Variants in THEMIS observed in about 807,000 individuals in gnomAD.
THEMIS encodes thymocyte selection associated, also known as protein THEMIS.
THEMIS carries 37 observed loss-of-function variants against 52.6 expected under a neutral mutation model. That is an observed-to-expected ratio of 0.70 (90% CI 0.54 to 0.93). The LOEUF (loss-of-function observed/expected upper bound fraction) is 0.93. THEMIS is among the 40% of genes least tolerant of loss of function. The probability of loss-of-function intolerance (pLI) is 0.00; values close to 1 mark genes in which losing one functional copy is unlikely to be tolerated. For synonymous variants in THEMIS, 292 were observed against 272.7 expected, an observed-to-expected ratio of 1.07 and a Z score of -0.70; for missense variants, 808 against 763.1, an observed-to-expected ratio of 1.06 and a Z score of -0.69.
chr6:127,829,332 C>T (rs777462455), intron 3 of THEMIS, 144 bp downstream of exon 3: 45 of 649,596 alleles, frequency 6.9e-5, no homozygotes, highest in South Asian at 2.7e-4. Context: ...ATATGGTTTG[C>T]TTATTGATTG....
chr6:127,834,932 T>C (rs183979490), intron 2 of THEMIS, among the ~76,000 whole-genome samples: 4 of 152,320 alleles, frequency 2.6e-5, no homozygotes, highest in Non-Finnish European at 5.9e-5. Context: ...ACGTCATACA[T>C]ACACTTGTTC....
intron 4 of THEMIS, among the ~76,000 whole-genome samples, chr6:127,790,916 A>C (rs1228248362): frequency 6.6e-6 from 1 of 152,190 alleles, no homozygotes; most frequent in Non-Finnish European, 1.5e-5. Context: ...GCACCAGGGA[A>C]TGTGGTGGCA....
At chr6:127,828,898 ACT>A (rs1040798355) in intron 3 of THEMIS, among the ~76,000 whole-genome samples, 3 of 152,052 alleles carry the variant, frequency 2.0e-5, no homozygotes, top group Non-Finnish European at 2.9e-5. Flanking sequence ...ACAGAGCAAG[ACT>A]CTGTCTCAAA....
chr6:127,781,506 T>C (rs546640533), intron 4 of THEMIS, among the ~76,000 whole-genome samples: 1 of 152,294 alleles, frequency 6.6e-6, no homozygotes, highest in South Asian at 2.1e-4. Flanking sequence ...TTTGTGCTGA[T>C]TTCTCCCCTT....
chr6:127,722,272 G>C (rs1774387961), intron 4 of THEMIS, among the ~76,000 whole-genome samples: 1 of 151,920 alleles, frequency 6.6e-6, no homozygotes, highest in South Asian at 2.1e-4. Context: ...AACGTAAAGG[G>C]AGGTAGGTGT....
chr6:127,719,658 G>T, intron 5 of THEMIS, 30 bp downstream of exon 5: 1 of 1,571,136 alleles, frequency 6.4e-7, no homozygotes, highest in African/African-American at 1.4e-5. Flanking sequence ...AAACCACCGT[G>T]GTTTAACTGA....
At chr6:127,725,737 C>G (rs546801387) in intron 4 of THEMIS, among the ~76,000 whole-genome samples, 1 of 152,186 alleles carries the variant, frequency 6.6e-6, no homozygotes, top group South Asian at 2.1e-4. Context: ...CCTTTCTGCA[C>G]AGAATGTCTT....
intron 4 of THEMIS, among the ~76,000 whole-genome samples, chr6:127,763,495 A>C (rs1776091236): frequency 6.6e-6 from 1 of 151,928 alleles, no homozygotes; most frequent in African/African-American, 2.4e-5. Context: ...TTATAATTAG[A>C]AGTGATTTAA....
chr6:127,818,857 C>G (rs778432424), intron 3 of THEMIS, among the ~76,000 whole-genome samples: 2 of 151,902 alleles, frequency 1.3e-5, no homozygotes, highest in African/African-American at 2.4e-5. Flanking sequence ...CGGTGGCTCA[C>G]GCCTGTAATC....
intron 4 of THEMIS, among the ~76,000 whole-genome samples, chr6:127,725,804 T>C (rs1040391765): frequency 6.6e-6 from 1 of 152,098 alleles, no homozygotes; most frequent in East Asian, 1.9e-4. Context: ...CCCAAAGACA[T>C]GCTATCTTTT....
At chr6:127,900,500 A>G (rs1388435663) in intron 1 of THEMIS, among the ~76,000 whole-genome samples, 1 of 152,034 alleles carries the variant, frequency 6.6e-6, no homozygotes, top group Non-Finnish European at 1.5e-5. Flanking sequence ...TTTATTTTTT[A>G]TATTGTGGAA....
At chr6:127,892,158 G>A (rs182815018) in intron 1 of THEMIS, among the ~76,000 whole-genome samples, 3 of 152,240 alleles carry the variant, frequency 2.0e-5, no homozygotes, top group South Asian at 2.1e-4. Flanking sequence ...GCCTGCCCAC[G>A]CCTCAGTCTT....
intron 4 of THEMIS, among the ~76,000 whole-genome samples, chr6:127,785,204 C>T (rs899606578): frequency 1.9e-5 from 2 of 104,328 alleles, no homozygotes; most frequent in African/African-American, 6.9e-5. Context: ...ATCTACCTAC[C>T]TACCTATTAT....
intron 3 of THEMIS, among the ~76,000 whole-genome samples, chr6:127,827,917 A>G (rs1249641773): frequency 6.6e-6 from 1 of 151,236 alleles, no homozygotes; most frequent in East Asian, 1.9e-4. Flanking sequence ...GATTGATTCC[A>G]CTCCCCATTG....
intron 4 of THEMIS, among the ~76,000 whole-genome samples, chr6:127,798,694 T>C (rs1777415292): frequency 1.3e-5 from 2 of 151,972 alleles, no homozygotes; most frequent in South Asian, 4.1e-4. Context: ...AAATTCCAAT[T>C]GAAAAATTAA....
At chr6:127,707,224 C>T (rs1027571982), downstream of THEMIS, among the ~76,000 whole-genome samples, 1 of 152,170 alleles carries the variant, frequency 6.6e-6, no homozygotes, top group South Asian at 2.1e-4. Flanking sequence ...ATGGGAACTA[C>T]AATTCAAGAC....
intron 3 of THEMIS, among the ~76,000 whole-genome samples, chr6:127,818,141 C>T (rs1293910350): frequency 6.6e-6 from 1 of 152,186 alleles, no homozygotes; most frequent in Admixed American, 6.5e-5. Flanking sequence ...CCAACCTTCT[C>T]TGTACTTCTA....
chr6:127,857,625 A>T (rs1473991045), intron 1 of THEMIS, among the ~76,000 whole-genome samples: 1 of 152,056 alleles, frequency 6.6e-6, no homozygotes, highest in Non-Finnish European at 1.5e-5. Context: ...ACATTTAAGG[A>T]CAGGTCATTT....
At chr6:127,870,226 TG>T (rs1198926644) in intron 1 of THEMIS, among the ~76,000 whole-genome samples, 1 of 152,090 alleles carries the variant, frequency 6.6e-6, no homozygotes, top group Non-Finnish European at 1.5e-5. Flanking sequence ...ATGTAAGGGG[TG>T]GCCAAGAGAG....
Sources: gnomAD v4.1 joint callset for allele counts (sites outside exome capture counted in the v4.1 genomes callset) on GRCh38, gnomAD v4.1.1 for gene constraint, MANE v1.5 for transcripts, NCBI Gene and HGNC (gene_info 2026-07-23, HGNC 2026-07-21) for gene names.